LRRC28: variants seen among roughly 807,000 people sequenced by gnomAD.
LRRC28 encodes leucine rich repeat containing 28.
LRRC28 carries 39 observed loss-of-function variants against 45.7 expected under a neutral mutation model. That is an observed-to-expected ratio of 0.85 (90% confidence interval 0.66 to 1.12). The LOEUF (loss-of-function observed/expected upper bound fraction) is 1.12, where lower values mean the gene tolerates loss of function less well. Ranked by LOEUF, LRRC28 falls within the 50% of genes most tolerant of loss-of-function variation. The pLI is 0.00. For synonymous variants in LRRC28, 206 were observed against 178.8 expected, an observed-to-expected ratio of 1.15 and a Z score of -1.22; for missense variants, 435 against 438.5, an observed-to-expected ratio of 0.99 and a Z score of 0.07.
intron 9 of LRRC28, among the ~76,000 whole-genome samples, chr15:99,371,565 G>A (rs1011772965): frequency 3.9e-5 from 6 of 152,082 alleles, no homozygotes; most frequent in African/African-American, 1.4e-4. Context: ...CTTATGAAAT[G>A]TTTCATATTT....
intron 5 of LRRC28, among the ~76,000 whole-genome samples, chr15:99,293,610 A>AAAC: frequency 2.3e-5 from 3 of 129,840 alleles, no homozygotes; most frequent in African/African-American, 1.0e-4. Context: ...AAAAAAAAAA[A>AAAC]AAAAAAAAAA....
At position 99,387,829 on chromosome 15, in the gene LRRC28, C is replaced by G. The variant is rs1247997156; in HGVS notation, c.*1727C>G. The G allele has an allele frequency of 6.6e-6, 1 of 151,956 alleles. No homozygotes were observed. Among genetic ancestry groups the G allele is most frequent in the Non-Finnish European group, 1.5e-5 (1 of 67,994 alleles). 9.4% of individuals were successfully genotyped at this position (151,956 alleles called of 1,614,324 possible). On this transcript the variant is annotated 3_prime_UTR_variant, in exon 10 of 10. Coordinates refer to ENST00000301981, the MANE Select transcript of LRRC28 (RefSeq NM_144598.5). ...GTTGAGGGAATTTTTATTAGCTGCC[C>G]TGACTTTATAATGCTACGCTCTTAA...
chr15:99,266,188 G>A (rs2081327972), intron 2 of LRRC28, among the ~76,000 whole-genome samples: 1 of 152,122 alleles, frequency 6.6e-6, no homozygotes, highest in African/African-American at 2.4e-5. Flanking sequence ...TGGGAAATGA[G>A]GCACAGATGT....
At chr15:99,262,236 T>C (rs1389586894) in intron 2 of LRRC28, among the ~76,000 whole-genome samples, 3 of 152,192 alleles carry the variant, frequency 2.0e-5, no homozygotes, top group Non-Finnish European at 4.4e-5. Flanking sequence ...ATATTTAGGA[T>C]AGCCTAAAAA....
At chr15:99,326,754 A>G (rs1444712897) in intron 5 of LRRC28, among the ~76,000 whole-genome samples, 1 of 152,210 alleles carries the variant, frequency 6.6e-6, no homozygotes, top group Non-Finnish European at 1.5e-5. Flanking sequence ...CTACTTGTTC[A>G]TGATAAATAA....
In LRRC28 at chr15:99,358,763, G is replaced by A. The variant is rs914893569; in HGVS notation, c.696-2573G>A. Among the ~76,000 whole-genome samples the A allele has an allele frequency of 2.0e-5, 3 of 151,842 alleles. No homozygotes were observed. The East Asian group carries it at 5.8e-4, about 29-fold the overall frequency. On this transcript the variant is annotated intron_variant, in intron 7 of 9. Transcript: ENST00000301981. Reference sequence around the variant, plus strand: ...GTCCTATTTTATATTATATAACCAAGTAAGACAAATAGATAAAACATCTAC... The same window carrying A: ...GTCCTATTTTATATTATATAACCAAATAAGACAAATAGATAAAACATCTAC...
chr15:99,354,994 G>GT (rs1406432281), intron 7 of LRRC28, among the ~76,000 whole-genome samples: 14 of 152,274 alleles, frequency 9.2e-5, no homozygotes, highest in African/African-American at 3.4e-4. Flanking sequence ...AGATATATAC[G>GT]TATTTATCTC....
intron 5 of LRRC28, chr15:99,326,674 T>C (rs1462554984): frequency 1.3e-5 from 2 of 152,100 alleles, no homozygotes; most frequent in Admixed American, 1.3e-4. Flanking sequence ...CTGCCAGTAT[T>C]TTTTTTACTG....
chr15:99,365,540 C>G (rs1402133436), intron 9 of LRRC28, among the ~76,000 whole-genome samples: 2 of 152,216 alleles, frequency 1.3e-5, no homozygotes, highest in African/African-American at 2.4e-5. Flanking sequence ...AAAGTACTTC[C>G]TTTTGTAGTT....
chr15:99,343,216 C>A (rs1397789102), intron 6 of LRRC28, among the ~76,000 whole-genome samples: 1 of 151,930 alleles, frequency 6.6e-6, no homozygotes, highest in Non-Finnish European at 1.5e-5. Context: ...TTTCTTTTGC[C>A]CCATCATTTT....
At chr15:99,340,617 A>G (rs928037110) in intron 6 of LRRC28, among the ~76,000 whole-genome samples, 3 of 152,220 alleles carry the variant, frequency 2.0e-5, no homozygotes, top group Non-Finnish European at 4.4e-5. Flanking sequence ...CCTTGACGTC[A>G]TTATTTAATG....
At chr15:99,281,799 A>G (rs1038305504) in intron 3 of LRRC28, among the ~76,000 whole-genome samples, 1 of 152,156 alleles carries the variant, frequency 6.6e-6, no homozygotes, top group African/African-American at 2.4e-5. Context: ...CCCTATTACT[A>G]AAGCATGAGC....
At chr15:99,380,393 G>C (rs1342536534) in intron 9 of LRRC28, among the ~76,000 whole-genome samples, 1 of 152,124 alleles carries the variant, frequency 6.6e-6, no homozygotes, top group African/African-American at 2.4e-5. Flanking sequence ...TTGCTTGGTA[G>C]ATCTTCCTCC....
chr15:99,260,520 A>G (rs1024018025), intron 2 of LRRC28, among the ~76,000 whole-genome samples: 1 of 152,248 alleles, frequency 6.6e-6, no homozygotes, highest in Non-Finnish European at 1.5e-5. Context: ...TATATCAAAG[A>G]ACTTTGTAAA....
chr15:99,337,697 G>A (rs1956370786), intron 6 of LRRC28, among the ~76,000 whole-genome samples: 1 of 152,218 alleles, frequency 6.6e-6, no homozygotes, highest in African/African-American at 2.4e-5. Flanking sequence ...ACTTTGAGGA[G>A]GATGCCTTAT....
At chr15:99,370,369 T>A (rs1325468294) in intron 9 of LRRC28, among the ~76,000 whole-genome samples, 1 of 152,226 alleles carries the variant, frequency 6.6e-6, no homozygotes, top group South Asian at 2.1e-4. Flanking sequence ...TATATGTGTA[T>A]GTGTACGTAT....
chr15:99,356,138 C>T (rs1026391869), intron 7 of LRRC28, among the ~76,000 whole-genome samples: 3 of 152,100 alleles, frequency 2.0e-5, no homozygotes, highest in Non-Finnish European at 2.9e-5. Flanking sequence ...ATAAGAGAAC[C>T]CAGGGTCTCT....
chr15:99,259,426 TAAG>T, intron 2 of LRRC28: 1 of 1,389,660 alleles, frequency 7.2e-7, no homozygotes, highest in Non-Finnish European at 1.0e-6. Context: ...GTGAGAAAAC[TAAG>T]GAGAGTCATG....
At chr15:99,343,995 G>A (rs553722705) in intron 6 of LRRC28, among the ~76,000 whole-genome samples, 130 of 152,188 alleles carry the variant, frequency 8.5e-4, no homozygotes, top group Admixed American at 3.9e-3. Context: ...GACCTTGCCC[G>A]GCGCTGCGGT....
Sources: gnomAD v4.1 joint callset for allele counts (sites outside exome capture counted in the v4.1 genomes callset) on GRCh38, gnomAD v4.1.1 for gene constraint, MANE v1.5 for transcripts, NCBI Gene and HGNC (gene_info 2026-07-23, HGNC 2026-07-21) for gene names.